The following DSCAM variants were observed in gnomAD, a reference collection of about 807,000 sequenced individuals.
DSCAM encodes DS cell adhesion molecule, also known as cell adhesion molecule DSCAM.
Under a neutral mutation model 217.7 loss-of-function variants are expected in DSCAM, and 47 were observed. The ratio of observed to expected loss-of-function variants is 0.22; its 90% CI spans 0.17 to 0.28. The LOEUF (loss-of-function observed/expected upper bound fraction) is 0.28, where lower values mean the gene tolerates loss of function less well. Ranked by LOEUF, DSCAM falls within the 10% of genes least tolerant of loss-of-function variation. The pLI, the probability that DSCAM is intolerant of heterozygous loss-of-function variation, is 1.00. For missense variants in DSCAM, 2,080 were observed against 2,618.3 expected (o/e 0.79, Z 4.49); for synonymous variants, 1,056 against 1,015.3 (o/e 1.04, Z -0.76).
chr21:40,357,615 G>T (rs945408449), intron 4 of DSCAM, among the ~76,000 whole-genome samples: 2 of 152,088 alleles, frequency 1.3e-5, no homozygotes, highest in East Asian at 3.9e-4. Flanking sequence ...ATTACTTGGG[G>T]TAAGCTTCTC....
chr21:40,066,934 T>C (rs571384047), intron 27 of DSCAM, among the ~76,000 whole-genome samples: 84 of 152,350 alleles, frequency 5.5e-4, no homozygotes, highest in Middle Eastern at 3.4e-3. Flanking sequence ...AATTAATCTA[T>C]TGTTGTTGAA....
intron 3 of DSCAM, among the ~76,000 whole-genome samples, chr21:40,663,618 A>T (rs2090167585): frequency 6.6e-6 from 1 of 152,104 alleles, no homozygotes; most frequent in Non-Finnish European, 1.5e-5. Flanking sequence ...TAGGCATGTG[A>T]CATGACCCTT....
intron 1 of DSCAM, among the ~76,000 whole-genome samples, chr21:40,794,391 T>A (rs2123475181): frequency 6.6e-6 from 1 of 152,316 alleles, no homozygotes; most frequent in South Asian, 2.1e-4. Context: ...GGCTGCTTTT[T>A]CCATCCCACT....
chr21:40,095,024 C>T (rs1001440311), intron 20 of DSCAM, among the ~76,000 whole-genome samples: 11 of 152,038 alleles, frequency 7.2e-5, no homozygotes, highest in East Asian at 3.9e-4. Context: ...AAGACATACC[C>T]GAGACTAGGT....
chr21:40,665,313 T>C (rs1424986807), intron 3 of DSCAM, among the ~76,000 whole-genome samples: 1 of 152,042 alleles, frequency 6.6e-6, no homozygotes, highest in Admixed American at 6.6e-5. Context: ...GCCCTGTCAA[T>C]ACCTGTGGAC....
chr21:40,425,818 C>G (rs1366502064), intron 3 of DSCAM, among the ~76,000 whole-genome samples: 1 of 151,948 alleles, frequency 6.6e-6, no homozygotes, highest in Non-Finnish European at 1.5e-5. Context: ...TGTATATACA[C>G]ACACACATGC....
intron 1 of DSCAM, among the ~76,000 whole-genome samples, chr21:40,787,486 C>T (rs563819071): frequency 1.3e-5 from 2 of 152,266 alleles, no homozygotes; most frequent in Non-Finnish European, 2.9e-5. Flanking sequence ...AAAAGATGCA[C>T]GTCCCTCATA....
chr21:40,588,160 T>A (rs1207574516), intron 3 of DSCAM, among the ~76,000 whole-genome samples: 1 of 152,166 alleles, frequency 6.6e-6, no homozygotes, highest in African/African-American at 2.4e-5. Context: ...GGCGGGCCCC[T>A]CAGCTGCTCT....
chr21:40,295,903 A>T, intron 10 of DSCAM, 152 bp downstream of exon 10: 1 of 924,712 alleles, frequency 1.1e-6, no homozygotes, highest in Non-Finnish European at 1.5e-6. Flanking sequence ...GTGGACAACT[A>T]GGAATGTCTA....
At chr21:40,485,304 G>A (rs1165484009) in intron 3 of DSCAM, among the ~76,000 whole-genome samples, 2 of 147,084 alleles carry the variant, frequency 1.4e-5, no homozygotes, top group South Asian at 2.1e-4. Flanking sequence ...GTGCAGTGGC[G>A]CGATCTCGGC....
intron 1 of DSCAM, among the ~76,000 whole-genome samples, chr21:40,730,454 G>A (rs183453260): frequency 1.0e-3 from 159 of 152,330 alleles, no homozygotes; most frequent in African/African-American, 3.6e-3. Context: ...ACCCAGGATC[G>A]CAGATTTCCA....
At chr21:40,109,344 A>G (rs889198072) in intron 20 of DSCAM, among the ~76,000 whole-genome samples, 2 of 152,246 alleles carry the variant, frequency 1.3e-5, no homozygotes, top group Non-Finnish European at 1.5e-5. Flanking sequence ...GAGGACATGA[A>G]TAGACACTTT....
At chr21:40,089,077 A>C (rs1214321840) in intron 21 of DSCAM, among the ~76,000 whole-genome samples, 1 of 151,822 alleles carries the variant, frequency 6.6e-6, no homozygotes, top group Non-Finnish European at 1.5e-5. Context: ...TAACTCCAGG[A>C]CTTATGAATG....
At chr21:40,106,838 G>A (rs1267197560) in intron 20 of DSCAM, among the ~76,000 whole-genome samples, 1 of 151,834 alleles carries the variant, frequency 6.6e-6, no homozygotes, top group Admixed American at 6.6e-5. Context: ...TATTCTGATT[G>A]TACTTGTTTG....
chr21:40,652,149 G>A (rs995739530), intron 3 of DSCAM, among the ~76,000 whole-genome samples: 2 of 131,480 alleles, frequency 1.5e-5, no homozygotes, highest in African/African-American at 3.0e-5. Flanking sequence ...ACTGGGGCCT[G>A]TTGAAGGGTG....
intron 9 of DSCAM, among the ~76,000 whole-genome samples, chr21:40,305,459 T>C (rs1569053386): frequency 6.6e-6 from 1 of 151,986 alleles, no homozygotes; most frequent in African/African-American, 2.4e-5. Context: ...ATCCCATTTG[T>C]CAATTCTGGC....
chr21:40,013,503 A>C (rs1298163971), intron 32 of DSCAM, 117 bp from the exon 33 acceptor site: 2 of 691,960 alleles, frequency 2.9e-6, no homozygotes, highest in Admixed American at 3.8e-5. Flanking sequence ...CGCTGCACAC[A>C]GGTGCCTTTC....
chr21:40,627,532 G>A (rs1389162033), intron 3 of DSCAM, among the ~76,000 whole-genome samples: 2 of 152,070 alleles, frequency 1.3e-5, no homozygotes, highest in African/African-American at 4.8e-5. Context: ...GTACATGTTT[G>A]GATTCTTCCT....
At chr21:40,138,943 TG>T (rs1399315757) in intron 18 of DSCAM, among the ~76,000 whole-genome samples, 1 of 142,830 alleles carries the variant, frequency 7.0e-6, no homozygotes, top group Non-Finnish European at 1.5e-5. Flanking sequence ...ATGGTGTATA[TG>T]GGGTGTGTGT....
Sources: allele counts gnomAD v4.1 joint callset (sites outside exome capture counted in the v4.1 genomes callset), GRCh38; gene constraint gnomAD v4.1.1; transcripts MANE v1.5; gene names NCBI Gene and HGNC (gene_info 2026-07-23, HGNC 2026-07-21).